The following ZBTB20 variants were observed in gnomAD, a reference collection of about 807,000 sequenced individuals.
The protein encoded by ZBTB20 is zinc finger and BTB domain-containing protein 20.
A neutral mutation model predicts 56.9 loss-of-function variants in ZBTB20; 9 were observed. That is an observed-to-expected ratio of 0.16 (90% CI 0.10 to 0.28). The LOEUF (loss-of-function observed/expected upper bound fraction) is 0.28. Ranked by LOEUF, ZBTB20 falls within the 10% of genes least tolerant of loss-of-function variation. The pLI, the probability that ZBTB20 is intolerant of heterozygous loss-of-function variation, is 1.00. For synonymous variants in ZBTB20, 417 were observed against 420.7 expected, an observed-to-expected ratio of 0.99 and a Z score of 0.11; for missense variants, 655 against 1,003.0, an observed-to-expected ratio of 0.65 and a Z score of 4.69.
At chr3:114,404,882 C>G (rs1277220016) in intron 7 of ZBTB20, among the ~76,000 whole-genome samples, 1 of 152,162 alleles carries the variant, frequency 6.6e-6, no homozygotes, top group African/African-American at 2.4e-5. Context: ...AGAATTCCCT[C>G]TGGACACAAC....
chr3:114,364,610 A>G (rs1179789479), intron 10 of ZBTB20, among the ~76,000 whole-genome samples: 1 of 152,228 alleles, frequency 6.6e-6, no homozygotes, highest in East Asian at 1.9e-4. Context: ...GCATGCCTCT[A>G]GTACAGCAAT....
intron 7 of ZBTB20, among the ~76,000 whole-genome samples, chr3:114,461,659 T>C (rs1420147241): frequency 6.6e-6 from 1 of 152,180 alleles, no homozygotes; most frequent in African/African-American, 2.4e-5. Context: ...GCCATTCAGT[T>C]ACCGCTTACA....
chr3:114,817,960 C>T (rs994878230), intron 4 of ZBTB20, among the ~76,000 whole-genome samples: 4 of 152,104 alleles, frequency 2.6e-5, no homozygotes, highest in Non-Finnish European at 4.4e-5. Context: ...TATGTAAATA[C>T]ATGCTGAAAT....
chr3:114,350,290 G>A lies in ZBTB20; in HGVS notation c.1788C>T (p.His596=), dbSNP rs752829783. Residue 596 remains histidine (H), a synonymous_variant, in exon 11 of 12, where the codon CAC becomes CAT. Coordinates refer to ENST00000675478, the MANE Select transcript of ZBTB20 (RefSeq NM_001348800.3). Reference sequence around the variant, plus strand: ...GACACTCACCTGTGTGTACGAACATGTGCTTGACGTAGTTCTGTTTGGCGG... The same window carrying A: ...GACACTCACCTGTGTGTACGAACATATGCTTGACGTAGTTCTGTTTGGCGG... ...TFTAKQNYVK[H]MFVHTGEKPH... 6.2e-7 allele frequency: 1 copy of A among 1,607,910 alleles called. No individual in the cohort carries two copies. The highest frequency in any genetic ancestry group is 8.5e-7 in the Non-Finnish European group (1 of 1,175,318).
At chr3:114,345,672 A>G in intron 11 of ZBTB20, among the ~76,000 whole-genome samples, 1 of 151,108 alleles carries the variant, frequency 6.6e-6, no homozygotes, top group South Asian at 2.1e-4. Flanking sequence ...TCTAGGCTCC[A>G]TTGCCTGAGT....
At chr3:114,636,107 A>G (rs2059253604) in intron 6 of ZBTB20, among the ~76,000 whole-genome samples, 1 of 152,136 alleles carries the variant, frequency 6.6e-6, no homozygotes, top group South Asian at 2.1e-4. Flanking sequence ...TCACAGGCAA[A>G]GAGAGAGTAA....
intron 7 of ZBTB20, among the ~76,000 whole-genome samples, chr3:114,430,285 C>T (rs2090022553): frequency 6.6e-6 from 1 of 152,098 alleles, no homozygotes; most frequent in African/African-American, 2.4e-5. Context: ...TAAACATCTC[C>T]CAGAGCAGAG....
intron 6 of ZBTB20, among the ~76,000 whole-genome samples, chr3:114,517,329 A>C (rs2046116273): frequency 6.6e-6 from 1 of 152,194 alleles, no homozygotes; most frequent in African/African-American, 2.4e-5. Context: ...GAAAATAAGT[A>C]AATAAGATAT....
At chr3:114,925,491 A>T (rs2076121175) in intron 3 of ZBTB20, among the ~76,000 whole-genome samples, 1 of 151,926 alleles carries the variant, frequency 6.6e-6, no homozygotes, top group Non-Finnish European at 1.5e-5. Context: ...ACTGGGTTGA[A>T]GTAATTATGG....
At chr3:114,590,454 G>A (rs928757236) in intron 6 of ZBTB20, among the ~76,000 whole-genome samples, 12 of 149,036 alleles carry the variant, frequency 8.1e-5, no homozygotes, top group Non-Finnish European at 1.3e-4. Context: ...CTGAGACTCC[G>A]TCTCAAAAAA....
chr3:114,593,975 T>C (rs1245877641), intron 6 of ZBTB20, among the ~76,000 whole-genome samples: 1 of 152,200 alleles, frequency 6.6e-6, no homozygotes, highest in Non-Finnish European at 1.5e-5. Flanking sequence ...CTAAAGTCAA[T>C]ACATGTGCCT....
intron 5 of ZBTB20, among the ~76,000 whole-genome samples, chr3:114,776,963 A>G (rs948761488): frequency 6.6e-6 from 1 of 152,192 alleles, no homozygotes; most frequent in African/African-American, 2.4e-5. Context: ...AGTATTTTCC[A>G]TTTAAGTTAA....
chr3:114,597,021 C>T (rs1394809385), intron 6 of ZBTB20, among the ~76,000 whole-genome samples: 2 of 152,012 alleles, frequency 1.3e-5, no homozygotes, highest in Non-Finnish European at 2.9e-5. Flanking sequence ...CTTCCCGACT[C>T]AATCCTAAAG....
At chr3:114,777,482 A>T (rs2069690837) in intron 5 of ZBTB20, among the ~76,000 whole-genome samples, 1 of 152,136 alleles carries the variant, frequency 6.6e-6, no homozygotes, top group African/African-American at 2.4e-5. Context: ...CAGCCAAAAA[A>T]CACATGAAAA....
intron 6 of ZBTB20, among the ~76,000 whole-genome samples, chr3:114,638,602 T>G (rs906740313): frequency 6.6e-6 from 1 of 152,110 alleles, no homozygotes; most frequent in Non-Finnish European, 1.5e-5. Flanking sequence ...ATTCATTTGC[T>G]TCACATCTTG....
At chr3:114,385,035 A>G (rs1353744367) in intron 8 of ZBTB20, among the ~76,000 whole-genome samples, 3 of 151,742 alleles carry the variant, frequency 2.0e-5, no homozygotes, top group Admixed American at 2.0e-4. Flanking sequence ...CCCTATCCCA[A>G]TTTTCTCTCT....
intron 5 of ZBTB20, among the ~76,000 whole-genome samples, chr3:114,753,537 C>T (rs1367266227): frequency 2.6e-5 from 4 of 151,192 alleles, no homozygotes; most frequent in East Asian, 3.9e-4. Context: ...CGAGTTCAAG[C>T]GATTCTCCTG....
chr3:114,727,410 C>G (rs1011917645), intron 5 of ZBTB20, among the ~76,000 whole-genome samples: 10 of 152,190 alleles, frequency 6.6e-5, no homozygotes, highest in Middle Eastern at 3.2e-3. Context: ...CTTGGTTCAC[C>G]TTTTTCTTTT....
intron 7 of ZBTB20, among the ~76,000 whole-genome samples, chr3:114,439,615 A>G (rs2090770980): frequency 6.6e-6 from 1 of 152,206 alleles, no homozygotes. Context: ...GAATAACAGC[A>G]GTCCAAAGTG....
Sources: allele counts gnomAD v4.1 joint callset (sites outside exome capture counted in the v4.1 genomes callset), GRCh38; gene constraint gnomAD v4.1.1; transcripts MANE v1.5; gene names NCBI Gene and HGNC (gene_info 2026-07-23, HGNC 2026-07-21).